SKP1: variants seen among roughly 807,000 people sequenced by gnomAD.
The protein encoded by SKP1 is S-phase kinase associated protein 1, also known as S-phase kinase-associated protein 1.
In SKP1, 1 loss-of-function variant was observed where a neutral mutation model predicts 21.5. The observed-to-expected ratio is 0.05, with a 90% confidence interval of 0.02 to 0.22. The LOEUF (loss-of-function observed/expected upper bound fraction) is 0.22, where lower values mean the gene tolerates loss of function less well. Ranked by LOEUF, SKP1 falls within the 10% of genes least tolerant of loss-of-function variation. The probability of loss-of-function intolerance (pLI) is 1.00; values close to 1 mark genes in which losing one functional copy is unlikely to be tolerated. For missense variants in SKP1, 70 were observed against 192.0 expected, an observed-to-expected ratio of 0.36 and a Z score of 3.76; for synonymous variants, 59 against 59.3, an observed-to-expected ratio of 0.99 and a Z score of 0.03.
intron 5 of SKP1, 147 bp downstream of exon 5, chr5:134,158,308 G>GT: frequency 6.5e-7 from 1 of 1,536,666 alleles, no homozygotes; most frequent in Non-Finnish European, 8.7e-7. Flanking sequence ...AGACAGAACA[G>GT]TAAGAGTATG....
At chr5:134,174,061 A>T (rs73791514) in intron 1 of SKP1, 39 bp from the exon 2 acceptor site, 90,784 of 1,235,456 alleles carry the variant, frequency 0.073, 4,577 homozygotes, top group Admixed American at 0.19. Context: ...TTTAAGAGAG[A>T]GAGTTCTACA....
intron 1 of SKP1, 125 bp downstream of exon 1, chr5:134,176,730 G>C (rs893566545): frequency 1.3e-5 from 2 of 152,336 alleles, no homozygotes; most frequent in African/African-American, 4.8e-5. Flanking sequence ...GCGATCCACC[G>C]GGCCCGAAAG....
Position 134,166,512 on chromosome 5 carries a change from C to G in SKP1, c.171+658G>C, listed in dbSNP as rs200807917. Among the ~76,000 whole-genome samples the G allele has an allele frequency of 4.8e-5, 6 of 126,204 alleles. No individual in the cohort carries two copies. The East Asian group carries it at 1.4e-3, about 29-fold the overall frequency. The allele number at this position is 126,204 out of a possible 152,430, so 82.8% of individuals were successfully genotyped here. A position where few individuals can be genotyped will look rare whatever the true frequency, so the allele number is the denominator to read the frequency against. On this transcript the variant is annotated intron_variant, in intron 3 of 5. Transcript: ENST00000353411. ...AGGAGAATCACCTGAACCCAGGAGG[C>G]AGAGGTTGCAGTGAGCCGAGATCAT...
In SKP1 at chr5:134,169,014, G is replaced by A. The variant is rs10037803; in HGVS notation, c.98-1771C>T. ...GCAAATGGCTGTGTAGAGATATAGCGAAGAGGTCCAAGGATGAAGCCCTGG... is the reference window on the plus strand; with the variant it reads ...GCAAATGGCTGTGTAGAGATATAGCAAAGAGGTCCAAGGATGAAGCCCTGG... On this transcript the variant is annotated intron_variant, in intron 2 of 5. Coordinates refer to ENST00000353411, the MANE Select transcript of SKP1 (RefSeq NM_170679.3). 4.4e-3 allele frequency among the ~76,000 whole-genome samples: 668 copies of A among 152,136 alleles called. 3 individuals are homozygous for A. Among genetic ancestry groups the A allele is most frequent in the African/African-American group, 1.0e-2 (415 of 41,514 alleles).
chr5:134,168,877 T>C (rs1481826196), intron 2 of SKP1, among the ~76,000 whole-genome samples: 2 of 151,996 alleles, frequency 1.3e-5, no homozygotes, highest in African/African-American at 4.8e-5. Flanking sequence ...ATACTAGATA[T>C]CCAAGGGCAG....
rs1761127485 is a variant in SKP1, at chr5:134,156,745, T to C, written c.*988A>G. The C allele has an allele frequency of 6.6e-6, 1 of 152,440 alleles. No homozygotes were observed. The highest frequency in any genetic ancestry group is 6.5e-5 in the Admixed American group (1 of 15,282). The allele number at this position is 152,440 out of a possible 1,614,324, so 9.4% of individuals were successfully genotyped here. ...TGACAATTAGAAGGGACAGAAGTTA[T>C]GGTTATGTCAGCAGCCTCCAGTGAG... On this transcript the variant is annotated 3_prime_UTR_variant, in exon 6 of 6. Coordinates refer to ENST00000353411, the MANE Select transcript of SKP1 (RefSeq NM_170679.3).
chr5:134,161,241 G>C, intron 3 of SKP1, 111 bp from the exon 4 acceptor site: 1 of 961,904 alleles, frequency 1.0e-6, no homozygotes, highest in Non-Finnish European at 1.5e-6. Flanking sequence ...AGGTTGACTT[G>C]AGCCATTAAC....
chr5:134,174,400 G>T, intron 1 of SKP1: 2 of 645,024 alleles, frequency 3.1e-6, no homozygotes, highest in Non-Finnish European at 3.9e-6. Context: ...CCTGAGGAAG[G>T]TCAGTCCAAA....
rs1304605200 is a variant in SKP1 at position 134,174,062 on chromosome 5, G to T, written c.1-40C>A. 4 of 1,228,528 alleles carry T rather than the reference G, an allele frequency of 3.3e-6. No homozygotes were observed. The East Asian group carries it at 7.1e-5, about 22-fold the overall frequency. 76.1% of individuals were successfully genotyped at this position (1,228,528 alleles called of 1,614,324 possible). On this transcript the variant is annotated intron_variant, in intron 1 of 5. Coordinates refer to ENST00000353411, the MANE Select transcript of SKP1 (RefSeq NM_170679.3). Reference sequence around the variant, plus strand: ...CATTAAATATAAAATTTAAGAGAGAGAGTTCTACATGACATTTCATCAACT... The same window carrying T: ...CATTAAATATAAAATTTAAGAGAGATAGTTCTACATGACATTTCATCAACT...
At chr5:134,159,723 A>G (rs1304777929) in intron 4 of SKP1, among the ~76,000 whole-genome samples, 2 of 151,668 alleles carry the variant, frequency 1.3e-5, no homozygotes, top group African/African-American at 4.8e-5. Context: ...AATTTTCTAT[A>G]TTTTCAGTAG....
At position 134,151,661 on chromosome 5, in the gene SKP1, T is replaced by C; in HGVS notation, c.*6072A>G. On this transcript the variant is annotated 3_prime_UTR_variant, in exon 6 of 6. Coordinates refer to ENST00000353411, the MANE Select transcript of SKP1 (RefSeq NM_170679.3). Reference sequence around the variant, plus strand: ...ATATACTTAAATACTTCCAGAAAATTTAAAGTTGACAGATATCAGAAGGTC... The same window carrying C: ...ATATACTTAAATACTTCCAGAAAATCTAAAGTTGACAGATATCAGAAGGTC... 2.2e-6 allele frequency: 1 copy of C among 455,954 alleles called. No individual in the cohort carries two copies. The highest frequency in any genetic ancestry group is 4.4e-6 in the Non-Finnish European group (1 of 226,852). 28.2% of individuals were successfully genotyped at this position (455,954 alleles called of 1,614,324 possible). A position where few individuals can be genotyped will look rare whatever the true frequency, so the allele number is the denominator to read the frequency against.
At chr5:134,171,856 C>A (rs898188352) in intron 2 of SKP1, among the ~76,000 whole-genome samples, 12 of 152,114 alleles carry the variant, frequency 7.9e-5, no homozygotes, top group South Asian at 2.1e-4. Context: ...ACCAGCCTGA[C>A]CAACATGGAG....
chr5:134,174,452 T>C, intron 1 of SKP1: 1 of 990,042 alleles, frequency 1.0e-6, no homozygotes. Flanking sequence ...TTCCCCACAG[T>C]GAGTCCTACC....
chr5:134,172,399 TTCA>T (rs1289178744), intron 2 of SKP1, among the ~76,000 whole-genome samples: 3 of 152,218 alleles, frequency 2.0e-5, no homozygotes, highest in African/African-American at 7.2e-5. Flanking sequence ...CTAAGTTTTT[TTCA>T]TCAATTCCAG....
At chr5:134,169,717 A>G (rs1761402460) in intron 2 of SKP1, among the ~76,000 whole-genome samples, 1 of 151,540 alleles carries the variant, frequency 6.6e-6, no homozygotes, top group Admixed American at 6.6e-5. Context: ...ATACAAAAAA[A>G]TTGGCCAGGC....
At chr5:134,158,728 C>G in intron 4 of SKP1, 133 bp from the exon 5 acceptor site, 1 of 761,574 alleles carries the variant, frequency 1.3e-6, no homozygotes, top group Admixed American at 2.3e-5. Context: ...AAGAATAAAT[C>G]ACTCCTAAGT....
In SKP1 at chr5:134,174,024, T is replaced by TAA. The variant is rs143993786; in HGVS notation, c.1-4_1-3dup. On this transcript the variant is annotated splice_region_variant and splice_polypyrimidine_tract_variant and intron_variant, in intron 1 of 5. Coordinates refer to ENST00000353411, the MANE Select transcript of SKP1 (RefSeq NM_170679.3). ...ACTCTGCAACTTAATTGAAGGCATC[T>TAA]AAAAAAAAAGGACATTAAATATAAA... is the stretch of plus-strand genomic sequence containing the variant. 16 of 1,536,350 alleles carry TAA rather than the reference T, an allele frequency of 1.0e-5. No homozygotes were observed. The African/African-American group carries it at 1.7e-4, about 16-fold the overall frequency.
intron 2 of SKP1, among the ~76,000 whole-genome samples, chr5:134,172,568 G>A (rs1269790840): frequency 7.2e-6 from 1 of 138,268 alleles, no homozygotes. Context: ...GAGAAAGCTT[G>A]TTTAAAAAAA....
In SKP1 at chr5:134,157,864, G is replaced by C. The variant is rs993764134; in HGVS notation, c.457-96C>G. 7.5e-6 allele frequency: 12 copies of C among 1,608,218 alleles called. No individual in the cohort carries two copies. In the African/African-American group the frequency reaches 8.0e-5, roughly 11 times the overall value. Reference sequence around the variant, plus strand: ...CTGATTCATCGATAGCCAGTGAGTTGAGTCAGAAGAACAGATGGAAAATTA... The same window carrying C: ...CTGATTCATCGATAGCCAGTGAGTTCAGTCAGAAGAACAGATGGAAAATTA... On this transcript the variant is annotated intron_variant, in intron 5 of 5. Coordinates refer to ENST00000353411, the MANE Select transcript of SKP1 (RefSeq NM_170679.3).
Sources: gnomAD v4.1 joint callset for allele counts (sites outside exome capture counted in the v4.1 genomes callset) on GRCh38, gnomAD v4.1.1 for gene constraint, MANE v1.5 for transcripts, NCBI Gene and HGNC (gene_info 2026-07-23, HGNC 2026-07-21) for gene names.